The following LYRM4 variants were observed in gnomAD, a reference collection of about 807,000 sequenced individuals.
The protein encoded by LYRM4 is LYR motif containing 4.
In LYRM4, 9 loss-of-function variants were observed where a neutral mutation model predicts 11.7. That is an observed-to-expected ratio of 0.77 (90% CI 0.46 to 1.34). The LOEUF is 1.34. LYRM4 is among the 40% of genes most tolerant of loss of function. The pLI is 0.00. For synonymous variants in LYRM4, 42 were observed against 40.4 expected (o/e 1.04, Z -0.15); for missense variants, 133 against 112.5 (o/e 1.18, Z -0.82).
chr6:5,131,457 T>C (rs551977398), intron 2 of LYRM4, among the ~76,000 whole-genome samples: 1 of 152,352 alleles, frequency 6.6e-6, no homozygotes, highest in South Asian at 2.1e-4. Context: ...CCCAGCAGTT[T>C]GGGAGGTAAA....
the LYRM4 span, among the ~76,000 whole-genome samples, chr6:5,090,592 G>A: frequency 6.6e-6 from 1 of 152,160 alleles, no homozygotes; most frequent in African/African-American, 2.4e-5. The surrounding 1 kb of genome is among the most constrained non-coding windows in gnomAD (Gnocchi z 4.8). Flanking sequence ...AGCTGTAGGG[G>A]CAGGGGATTT....
chr6:5,140,095 T>C (rs1757323029), intron 2 of LYRM4, among the ~76,000 whole-genome samples: 2 of 151,612 alleles, frequency 1.3e-5, no homozygotes, highest in South Asian at 4.2e-4. Context: ...TAGTGGGGCA[T>C]GGTGCTGTGC....
the LYRM4 span, among the ~76,000 whole-genome samples, chr6:5,049,158 T>G: frequency 6.6e-6 from 1 of 152,076 alleles, no homozygotes; most frequent in Non-Finnish European, 1.5e-5. Context: ...GACCTGGTAT[T>G]GGTCAGGACC....
chr6:5,062,081 C>CT, the LYRM4 span, among the ~76,000 whole-genome samples: 2,392 of 117,242 alleles, frequency 0.02, 53 homozygotes, highest in African/African-American at 0.028. Context: ...CTTCCTTCTT[C>CT]TTTTTTTTTT....
chr6:5,240,650 G>T (rs1368992557), intron 1 of LYRM4: 1 of 152,218 alleles, frequency 6.6e-6, no homozygotes, highest in Non-Finnish European at 1.5e-5. Flanking sequence ...GTCAACTGAG[G>T]ATTGTAAACC....
chr6:5,205,617 T>C (rs1761652701), intron 2 of LYRM4, among the ~76,000 whole-genome samples: 1 of 152,256 alleles, frequency 6.6e-6, no homozygotes, highest in Admixed American at 6.5e-5. Context: ...TGAACAGCTA[T>C]ACAGACAGCA....
chr6:5,060,644 C>T, the LYRM4 span, among the ~76,000 whole-genome samples: 1 of 152,110 alleles, frequency 6.6e-6, no homozygotes, highest in Non-Finnish European at 1.5e-5. Flanking sequence ...TCTTATGTCT[C>T]AGCCTCCTGA....
At position 5,208,194 on chromosome 6, in the gene LYRM4, ACAT is replaced by A. The variant is rs201449639; in HGVS notation, c.207+8421_207+8423del. 6.3e-3 allele frequency among the ~76,000 whole-genome samples: 953 copies of A among 152,354 alleles called. 4 individuals are homozygous for A. Among genetic ancestry groups the A allele is most frequent in the African/African-American group, 0.022 (900 of 41,596 alleles). On this transcript the variant is annotated intron_variant, in intron 2 of 2. Coordinates refer to ENST00000330636, the MANE Select transcript of LYRM4 (RefSeq NM_020408.6). ...GTAAGGAAGCAGCACTGACAAGCACACATCATCACTGCTGCCACCACCATCATA... is the reference window on the plus strand; with the variant it reads ...GTAAGGAAGCAGCACTGACAAGCACACATCACTGCTGCCACCACCATCATA...
At chr6:5,195,067 T>A (rs1215229444) in intron 2 of LYRM4, among the ~76,000 whole-genome samples, 2 of 152,270 alleles carry the variant, frequency 1.3e-5, no homozygotes, top group Non-Finnish European at 2.9e-5. Context: ...TATGTGTTCC[T>A]GTACCACTAA....
intron 1 of LYRM4, among the ~76,000 whole-genome samples, chr6:5,229,169 G>A (rs1191703340): frequency 6.6e-6 from 1 of 152,098 alleles, no homozygotes; most frequent in East Asian, 1.9e-4. Flanking sequence ...GTTTTTTAAC[G>A]TCGTGGCTCT....
At chr6:5,205,081 C>T (rs1421720653) in intron 2 of LYRM4, among the ~76,000 whole-genome samples, 3 of 152,198 alleles carry the variant, frequency 2.0e-5, no homozygotes, top group Non-Finnish European at 4.4e-5. Flanking sequence ...TGAATAAGAA[C>T]AACGCTAATC....
At chr6:5,058,729 C>T in the LYRM4 span, among the ~76,000 whole-genome samples, 1 of 152,158 alleles carries the variant, frequency 6.6e-6, no homozygotes, top group Non-Finnish European at 1.5e-5. Flanking sequence ...TTTAGCCATG[C>T]TTGATTCGGT....
chr6:5,172,434 C>T (rs1305534164), intron 2 of LYRM4, among the ~76,000 whole-genome samples: 2 of 152,180 alleles, frequency 1.3e-5, no homozygotes, highest in Non-Finnish European at 1.5e-5. Flanking sequence ...GTTTCACGAG[C>T]ACCTCCCTTC....
At chr6:5,132,878 C>A (rs1240656287) in intron 2 of LYRM4, 1 of 152,370 alleles carries the variant, frequency 6.6e-6, no homozygotes, top group Middle Eastern at 3.4e-3. Flanking sequence ...GAGCCAGCAG[C>A]AGCTGTGGCC....
At chr6:5,195,985 G>A (rs1313908146) in intron 2 of LYRM4, among the ~76,000 whole-genome samples, 1 of 152,172 alleles carries the variant, frequency 6.6e-6, no homozygotes, top group African/African-American at 2.4e-5. Context: ...ATTGCACTTA[G>A]TATGCCCCAA....
At chr6:5,103,685 G>GTCACC (rs1762573588), downstream of LYRM4, 1 of 144,800 alleles carries the variant, frequency 6.9e-6, no homozygotes. Flanking sequence ...CACCCAGGCT[G>GTCACC]GAGTTCAGTG....
At chr6:5,162,770 C>T (rs562812696) in intron 2 of LYRM4, among the ~76,000 whole-genome samples, 1 of 152,236 alleles carries the variant, frequency 6.6e-6, no homozygotes, top group African/African-American at 2.4e-5. Flanking sequence ...TAAACATACT[C>T]TTTAAGAACG....
At chr6:5,100,988 C>T (rs950203849), downstream of LYRM4, among the ~76,000 whole-genome samples, 1 of 152,220 alleles carries the variant, frequency 6.6e-6, no homozygotes, top group South Asian at 2.1e-4. Flanking sequence ...CCCCTTACGT[C>T]TCCGTGCCTG....
chr6:5,101,504 CAG>C (rs1362969117), downstream of LYRM4, among the ~76,000 whole-genome samples: 3 of 152,158 alleles, frequency 2.0e-5, no homozygotes, highest in Admixed American at 1.3e-4. Context: ...AATGAGGAAA[CAG>C]AAATTTGGTG....
Sources: allele counts gnomAD v4.1 joint callset (sites outside exome capture counted in the v4.1 genomes callset), GRCh38; gene constraint gnomAD v4.1.1; non-coding constraint Gnocchi (gnomAD v3.1); transcripts MANE v1.5; gene names NCBI Gene and HGNC (gene_info 2026-07-23, HGNC 2026-07-21).